The following EPHA5 variants were observed in gnomAD, a reference collection of about 807,000 sequenced individuals.
EPHA5 encodes the protein ephrin type-A receptor 5.
In EPHA5, 60 loss-of-function variants were observed where a neutral mutation model predicts 105.0. The observed-to-expected ratio is 0.57, with a 90% CI of 0.46 to 0.71. The LOEUF (loss-of-function observed/expected upper bound fraction) is 0.71, where lower values mean the gene tolerates loss of function less well. EPHA5 is among the 30% of genes least tolerant of loss of function. EPHA5 has a pLI of 0.00. For missense variants in EPHA5, 1,218 were observed against 1,274.7 expected (o/e 0.96, Z 0.68); for synonymous variants, 513 against 449.1 (o/e 1.14, Z -1.80).
chr4:65,381,141 G>C (rs1719521551), intron 8 of EPHA5, among the ~76,000 whole-genome samples: 1 of 151,048 alleles, frequency 6.6e-6, no homozygotes. Context: ...TTAGGGCAAA[G>C]AGTGAGCTAT....
At chr4:65,553,642 G>T (rs752025642) in intron 3 of EPHA5, among the ~76,000 whole-genome samples, 1 of 152,012 alleles carries the variant, frequency 6.6e-6, no homozygotes, top group African/African-American at 2.4e-5. Context: ...TATGTGTGAA[G>T]AAATGCGGAT....
intron 3 of EPHA5, among the ~76,000 whole-genome samples, chr4:65,540,783 C>A (rs1173565931): frequency 6.7e-6 from 1 of 149,874 alleles, no homozygotes. Flanking sequence ...TTCTCTCTTC[C>A]CCCATCCCCT....
intron 5 of EPHA5, among the ~76,000 whole-genome samples, chr4:65,482,562 G>C (rs1048380150): frequency 6.6e-6 from 1 of 152,034 alleles, no homozygotes; most frequent in Non-Finnish European, 1.5e-5. Context: ...GATATGAATG[G>C]TAAAAAACAC....
intron 8 of EPHA5, among the ~76,000 whole-genome samples, chr4:65,373,059 G>GT (rs1295881755): frequency 6.6e-6 from 1 of 151,704 alleles, no homozygotes; most frequent in Non-Finnish European, 1.5e-5. Flanking sequence ...AATTCTCCCT[G>GT]TTTTTTAAAA....
intron 3 of EPHA5, among the ~76,000 whole-genome samples, chr4:65,564,413 C>A (rs769920907): frequency 2.0e-5 from 3 of 151,504 alleles, no homozygotes; most frequent in Non-Finnish European, 4.4e-5. Flanking sequence ...TTACTTATTC[C>A]TTTTCTTCCT....
intron 5 of EPHA5, among the ~76,000 whole-genome samples, chr4:65,468,110 G>C (rs566460320): frequency 5.3e-5 from 8 of 152,254 alleles, no homozygotes; most frequent in African/African-American, 1.9e-4. Context: ...AAGCCACAAA[G>C]TATGTGGTAA....
chr4:65,322,706 T>C lies in EPHA5; in HGVS notation c.*1408A>G. On this transcript the variant is annotated 3_prime_UTR_variant, in exon 17 of 17. Transcript: ENST00000613740. The stretch of plus-strand genomic sequence containing the variant: ...AATACCTTGGATTGGTTCAATAAAA[T>C]AAACTCAAAGCCATGTAACTGAATA... 4.4e-6 allele frequency: 1 copy of C among 225,824 alleles called. No individual in the cohort carries two copies. Among genetic ancestry groups the C allele is most frequent in the Non-Finnish European group, 8.8e-6 (1 of 113,364 alleles). The allele number at this position is 225,824 out of a possible 1,614,324, so 14.0% of individuals were successfully genotyped here.
chr4:65,336,716 A>G (rs1341124073), intron 14 of EPHA5, among the ~76,000 whole-genome samples: 3 of 152,110 alleles, frequency 2.0e-5, no homozygotes, highest in Non-Finnish European at 4.4e-5. Flanking sequence ...ATGACTGTCT[A>G]GTAGCACAAG....
chr4:65,397,204 C>T (rs565233980), intron 8 of EPHA5, among the ~76,000 whole-genome samples: 1 of 152,280 alleles, frequency 6.6e-6, no homozygotes, highest in East Asian at 1.9e-4. Flanking sequence ...TTCTCCCTGG[C>T]TCTGATGGTT....
At chr4:65,591,110 A>G (rs1742599934) in intron 3 of EPHA5, among the ~76,000 whole-genome samples, 1 of 152,064 alleles carries the variant, frequency 6.6e-6, no homozygotes. Context: ...TATTAAGGTG[A>G]TGAAACAAGA....
At chr4:65,546,745 C>T (rs1737410223) in intron 3 of EPHA5, among the ~76,000 whole-genome samples, 1 of 152,006 alleles carries the variant, frequency 6.6e-6, no homozygotes, top group Non-Finnish European at 1.5e-5. Context: ...CTGCGAACTT[C>T]AAGATCCCTA....
chr4:65,353,067 T>C lies in EPHA5; in HGVS notation c.2210A>G (p.Asn737Ser), dbSNP rs746836106. The part of the protein sequence containing the change: ...PVMIVTEYME[N>S]GSLDTFLKKN... ...CTTCAAAAATGTATCTAAAGAGCCA[T>C]TCTCCATATACTCTGTCACGATCAT... The change falls in exon 12 of 17, where the codon AAT becomes AGT. Residue 737 changes from asparagine (N) to serine (S), a missense_variant. By Grantham distance (46) the Asn-to-Ser change is conservative. This residue lies in a region of EPHA5 where 971 missense variants were observed against 1,013.5 expected (regional missense o/e 0.96). Coordinates refer to ENST00000613740, the MANE Select transcript of EPHA5 (RefSeq NM_001281766.3). The C allele has an allele frequency of 3.4e-5, 53 of 1,568,668 alleles. No homozygotes were observed. The highest frequency in any genetic ancestry group is 4.3e-5 in the Non-Finnish European group (50 of 1,159,326).
intron 3 of EPHA5, among the ~76,000 whole-genome samples, chr4:65,571,382 A>G (rs1162780328): frequency 6.6e-6 from 1 of 151,862 alleles, no homozygotes; most frequent in Non-Finnish European, 1.5e-5. Context: ...ATAAGTGTTA[A>G]AGTAGATTTA....
At chr4:65,653,743 A>C (rs1164933292) in intron 1 of EPHA5, among the ~76,000 whole-genome samples, 4 of 152,160 alleles carry the variant, frequency 2.6e-5, no homozygotes, top group Non-Finnish European at 5.9e-5. Context: ...AATAAAAGAA[A>C]TAATGTAAAA....
At chr4:65,521,982 T>C (rs1000203683) in intron 3 of EPHA5, among the ~76,000 whole-genome samples, 1 of 152,006 alleles carries the variant, frequency 6.6e-6, no homozygotes, top group African/African-American at 2.4e-5. Flanking sequence ...ACTTAACTTT[T>C]CCCTTCACTT....
At chr4:65,338,598 G>A (rs1420855272) in intron 14 of EPHA5, among the ~76,000 whole-genome samples, 1 of 151,510 alleles carries the variant, frequency 6.6e-6, no homozygotes, top group Non-Finnish European at 1.5e-5. Context: ...CTTATTTTCG[G>A]GTAAATTTAT....
rs749686365 is a variant in EPHA5, at chr4:65,420,615, G to A, written c.1403-50C>T. 1.9e-6 allele frequency: 3 copies of A among 1,569,636 alleles called. No individual in the cohort carries two copies. In the African/African-American group the frequency reaches 4.1e-5, roughly 22 times the overall value. On this transcript the variant is annotated intron_variant, in intron 5 of 16. Transcript: ENST00000613740. The stretch of plus-strand genomic sequence containing the variant: ...CAGTATGATTAATAAGGCCCTAAAA[G>A]TAAACCTGTTATGTTTATTACGTAT...
chr4:65,542,959 CA>C lies in EPHA5; in HGVS notation c.911-47417del, dbSNP rs551653397. Among the ~76,000 whole-genome samples the C allele has an allele frequency of 2.5e-3, 386 of 151,888 alleles. 1 individual carries two copies. The highest frequency in any genetic ancestry group is 4.1e-3 in the Non-Finnish European group (281 of 67,830). ...ACATAATCCATCACATAAGCAGAAC[CA>C]ATTACAAAACCACATGATTATCTCC... On this transcript the variant is annotated intron_variant, in intron 3 of 16. Coordinates refer to ENST00000613740, the MANE Select transcript of EPHA5 (RefSeq NM_001281766.3).
At chr4:65,379,384 G>T (rs1279929369) in intron 8 of EPHA5, among the ~76,000 whole-genome samples, 1 of 151,352 alleles carries the variant, frequency 6.6e-6, no homozygotes, top group Non-Finnish European at 1.5e-5. Context: ...AATAAAATTT[G>T]ATTTAAAAAC....
Sources: allele counts gnomAD v4.1 joint callset (sites outside exome capture counted in the v4.1 genomes callset), GRCh38; gene constraint gnomAD v4.1.1; regional missense constraint gnomAD v4.1.1; transcripts MANE v1.5; gene names NCBI Gene and HGNC (gene_info 2026-07-23, HGNC 2026-07-21).